GRID2: variants seen among roughly 807,000 people sequenced by gnomAD.
GRID2 encodes the protein glutamate ionotropic receptor delta type subunit 2.
In GRID2, 33 loss-of-function variants were observed where a neutral mutation model predicts 114.8. The observed-to-expected ratio is 0.29, with a 90% CI of 0.22 to 0.38. GRID2 has a LOEUF of 0.38. Ranked by LOEUF, GRID2 falls within the 10% of genes least tolerant of loss-of-function variation. The pLI, the probability that GRID2 is intolerant of heterozygous loss-of-function variation, is 1.00. For synonymous variants in GRID2, 505 were observed against 449.9 expected, an observed-to-expected ratio of 1.12 and a Z score of -1.55; for missense variants, 1,184 against 1,257.7, an observed-to-expected ratio of 0.94 and a Z score of 0.89.
At chr4:92,726,352 C>T (rs750742214) in intron 2 of GRID2, among the ~76,000 whole-genome samples, 1 of 152,104 alleles carries the variant, frequency 6.6e-6, no homozygotes, top group African/African-American at 2.4e-5. Flanking sequence ...GCCGCAGCTG[C>T]AACGTCACTC....
chr4:92,390,559 A>G (rs752790661), intron 1 of GRID2, among the ~76,000 whole-genome samples: 1 of 152,196 alleles, frequency 6.6e-6, no homozygotes, highest in Non-Finnish European at 1.5e-5. Flanking sequence ...CATTATGTGC[A>G]TTTAAATAAG....
chr4:92,752,162 C>T (rs563603797), intron 2 of GRID2, among the ~76,000 whole-genome samples: 1 of 152,244 alleles, frequency 6.6e-6, no homozygotes, highest in East Asian at 1.9e-4. Flanking sequence ...TATTCTGTAC[C>T]TCAAATGTAA....
At chr4:93,651,699 T>G (rs115859616) in intron 14 of GRID2, among the ~76,000 whole-genome samples, 1,701 of 152,310 alleles carry the variant, frequency 0.011, 39 homozygotes, top group African/African-American at 0.039. Context: ...CCATGCATTA[T>G]GCTTAATATG....
At chr4:93,285,678 T>C (rs1251556809) in intron 8 of GRID2, among the ~76,000 whole-genome samples, 1 of 152,038 alleles carries the variant, frequency 6.6e-6, no homozygotes, top group African/African-American at 2.4e-5. Context: ...ATGAAGTCTT[T>C]AAAAACTTGT....
chr4:92,523,405 C>A (rs539601941), intron 1 of GRID2, among the ~76,000 whole-genome samples: 1 of 151,840 alleles, frequency 6.6e-6, no homozygotes, highest in Non-Finnish European at 1.5e-5. Context: ...TAAGTTAAGG[C>A]AAAAATTAGA....
At chr4:93,793,545 A>C (rs1255994000) in intron 1 of GRID2, among the ~76,000 whole-genome samples, 1 of 152,162 alleles carries the variant, frequency 6.6e-6, no homozygotes, top group Non-Finnish European at 1.5e-5. Context: ...GGGAATTTCA[A>C]CCATCATTGA....
intron 2 of GRID2, among the ~76,000 whole-genome samples, chr4:93,067,240 C>T (rs1198951552): frequency 6.6e-6 from 1 of 151,954 alleles, no homozygotes; most frequent in Non-Finnish European, 1.5e-5. Context: ...GATGGTATTT[C>T]CATTAATTCT....
intron 12 of GRID2, among the ~76,000 whole-genome samples, chr4:93,492,382 G>A (rs752743730): frequency 6.6e-6 from 1 of 151,864 alleles, no homozygotes; most frequent in Non-Finnish European, 1.5e-5. Flanking sequence ...GTAAGTGACT[G>A]AGTAAAGACC....
chr4:92,654,622 A>T (rs892869077), intron 2 of GRID2, among the ~76,000 whole-genome samples: 5 of 151,824 alleles, frequency 3.3e-5, no homozygotes, highest in African/African-American at 1.2e-4. Flanking sequence ...GTGAAGTGAT[A>T]TTTCATTGTG....
chr4:93,706,935 A>C (rs1294325727), intron 14 of GRID2, among the ~76,000 whole-genome samples: 1 of 152,048 alleles, frequency 6.6e-6, no homozygotes, highest in Admixed American at 6.6e-5. Context: ...TATTGGTCAA[A>C]TGCCTTTTTA....
chr4:93,117,018 CATT>C (rs1197148638), intron 4 of GRID2, among the ~76,000 whole-genome samples: 1 of 152,086 alleles, frequency 6.6e-6, no homozygotes, highest in African/African-American at 2.4e-5. Flanking sequence ...CATCCACAAT[CATT>C]GTTATTATAT....
At chr4:93,353,684 A>G (rs187267805) in intron 8 of GRID2, among the ~76,000 whole-genome samples, 11 of 152,180 alleles carry the variant, frequency 7.2e-5, no homozygotes, top group Non-Finnish European at 1.2e-4. Context: ...AGTTTAAAGC[A>G]AGAATGGAGT....
chr4:92,719,874 A>G (rs1280329556), intron 2 of GRID2, among the ~76,000 whole-genome samples: 1 of 152,128 alleles, frequency 6.6e-6, no homozygotes, highest in Non-Finnish European at 1.5e-5. Context: ...TTTTCCTCTA[A>G]GGATGTTCTA....
intron 12 of GRID2, among the ~76,000 whole-genome samples, chr4:93,507,583 A>C (rs2149481685): frequency 6.6e-6 from 1 of 152,344 alleles, no homozygotes; most frequent in South Asian, 2.1e-4. Context: ...CATATTTATA[A>C]GCATTTCAAT....
chr4:93,597,879 A>G (rs1210479455), intron 13 of GRID2, among the ~76,000 whole-genome samples: 1 of 152,198 alleles, frequency 6.6e-6, no homozygotes, highest in East Asian at 1.9e-4. Flanking sequence ...TTGAACTTCC[A>G]TCTACTGAAT....
At chr4:92,583,036 T>A (rs909081165) in intron 1 of GRID2, among the ~76,000 whole-genome samples, 8 of 152,032 alleles carry the variant, frequency 5.3e-5, no homozygotes, top group African/African-American at 1.9e-4. Flanking sequence ...TATTTTCTTA[T>A]CTGGAAATTT....
chr4:93,332,801 T>C (rs1371016229), intron 8 of GRID2, among the ~76,000 whole-genome samples: 1 of 152,114 alleles, frequency 6.6e-6, no homozygotes, highest in Non-Finnish European at 1.5e-5. Flanking sequence ...ACCTAGGGGC[T>C]AAAACTAAAA....
At chr4:92,680,143 C>G (rs913547635) in intron 2 of GRID2, among the ~76,000 whole-genome samples, 1 of 151,992 alleles carries the variant, frequency 6.6e-6, no homozygotes, top group East Asian at 1.9e-4. Flanking sequence ...AGCTATGAGT[C>G]TAGCAAATTG....
In GRID2 at chr4:92,990,573, C is replaced by T. The variant is rs529847087; in HGVS notation, c.245-94422C>T. Among the ~76,000 whole-genome samples the T allele has an allele frequency of 2.9e-3, 435 of 152,064 alleles. 1 individual carries two copies. The highest frequency in any genetic ancestry group is 0.014 in the Middle Eastern group (4 of 294). On this transcript the variant is annotated intron_variant, in intron 2 of 15. Transcript: ENST00000282020. Reference sequence around the variant, plus strand: ...CAGGTGATCTACCCGCCTCAGCTTCCCAAAGTGCTGGGATGACAGGGGTGA... The same window carrying T: ...CAGGTGATCTACCCGCCTCAGCTTCTCAAAGTGCTGGGATGACAGGGGTGA...
Sources: allele counts gnomAD v4.1 joint callset (sites outside exome capture counted in the v4.1 genomes callset), GRCh38; gene constraint gnomAD v4.1.1; transcripts MANE v1.5; gene names NCBI Gene and HGNC (gene_info 2026-07-23, HGNC 2026-07-21).